The following GRM7 variants were observed in gnomAD, a reference collection of about 807,000 sequenced individuals.
GRM7 encodes glutamate metabotropic receptor 7.
GRM7 carries 35 observed loss-of-function variants against 84.5 expected under a neutral mutation model. That is an observed-to-expected ratio of 0.41 (90% CI 0.32 to 0.55). The LOEUF is 0.55. Ranked by LOEUF, GRM7 falls within the 20% of genes least tolerant of loss-of-function variation. The probability of loss-of-function intolerance (pLI) is 0.19; values close to 1 mark genes in which losing one functional copy is unlikely to be tolerated. For missense variants in GRM7, 1,003 were observed against 1,194.6 expected (o/e 0.84, Z 2.36); for synonymous variants, 487 against 455.1 (o/e 1.07, Z -0.89).
chr3:7,542,591 A>C (rs1035547527), intron 7 of GRM7, among the ~76,000 whole-genome samples: 24 of 145,632 alleles, frequency 1.6e-4, no homozygotes, highest in African/African-American at 5.4e-4. Flanking sequence ...CTCTGTCGCC[A>C]GACTGGAGTG....
rs1695018321 is a variant in GRM7 at position 7,391,978 on chromosome 3, GAT to G, written c.1034-23043_1034-23042del. Among the ~76,000 whole-genome samples the G allele has an allele frequency of 2.0e-5, 3 of 152,162 alleles. No homozygotes were observed. In the South Asian group the frequency reaches 6.2e-4, roughly 32 times the overall value. ...CAATGCACTGAGGGGGTTGGCAAGA[GAT>G]AACCCCCTCTCTACATCTATTCTTG... On this transcript the variant is annotated intron_variant, in intron 4 of 9. Coordinates refer to ENST00000357716, the MANE Select transcript of GRM7 (RefSeq NM_000844.4).
rs75721571 is a variant in GRM7, at chr3:7,740,680, G to A, written c.*274G>A. ...AAGGGAGTGTTGAAACTCAAGTCCC[G>A]CCCTGGCTCTTTAGAATGGACCACT... On this transcript the variant is annotated 3_prime_UTR_variant, in exon 10 of 10. Coordinates refer to ENST00000357716, the MANE Select transcript of GRM7 (RefSeq NM_000844.4). 5 of 334,306 alleles carry A rather than the reference G, an allele frequency of 1.5e-5. No individual in the cohort carries two copies. The highest frequency in any genetic ancestry group is 1.0e-4 in the South Asian group (1 of 10,038). The allele number at this position is 334,306 out of a possible 1,614,324, so 20.7% of individuals were successfully genotyped here. A position where few individuals can be genotyped will look rare whatever the true frequency, so the allele number is the denominator to read the frequency against.
intron 1 of GRM7, among the ~76,000 whole-genome samples, chr3:6,951,816 A>G (rs1332120929): frequency 6.6e-6 from 1 of 152,020 alleles, no homozygotes; most frequent in Non-Finnish European, 1.5e-5. Context: ...GTGTACCCTT[A>G]CTCACTTTTC....
At chr3:7,492,455 T>C (rs1224683954) in intron 7 of GRM7, among the ~76,000 whole-genome samples, 1 of 152,144 alleles carries the variant, frequency 6.6e-6, no homozygotes, top group African/African-American at 2.4e-5. Flanking sequence ...TTCAGGGAAT[T>C]GGTGTGTTTC....
intron 9 of GRM7, among the ~76,000 whole-genome samples, chr3:7,692,764 G>C (rs1199665206): frequency 6.6e-6 from 1 of 152,140 alleles, no homozygotes; most frequent in Non-Finnish European, 1.5e-5. Flanking sequence ...CTCATGACCA[G>C]AGGTCTTTCT....
At chr3:7,616,200 T>C (rs1697071985) in intron 8 of GRM7, among the ~76,000 whole-genome samples, 1 of 152,146 alleles carries the variant, frequency 6.6e-6, no homozygotes, top group African/African-American at 2.4e-5. Flanking sequence ...TAATAGACTT[T>C]ACTGCCGGCA....
intron 4 of GRM7, among the ~76,000 whole-genome samples, chr3:7,398,018 A>G (rs1695287228): frequency 6.6e-6 from 1 of 152,084 alleles, no homozygotes; most frequent in South Asian, 2.1e-4. Context: ...CCCACCAAAA[A>G]CTTATAATTT....
Position 7,680,141 on chromosome 3 carries a change from C to T in GRM7, c.2544C>T (p.Ile848=). ...TATACATGCCGAAAGTGTACATCATCATTTTCCACCCTGAACTCAATGTCC... is the reference window on the plus strand; with the variant it reads ...TATACATGCCGAAAGTGTACATCATTATTTTCCACCCTGAACTCAATGTCC... ...GMLYMPKVYI[I]IFHPELNVQK... is the part of the protein sequence containing the mutation. The change falls in exon 9 of 10, where the codon ATC becomes ATT. Residue 848 remains isoleucine (I), a synonymous_variant. Coordinates refer to ENST00000357716, the MANE Select transcript of GRM7 (RefSeq NM_000844.4). 2 of 1,614,136 alleles carry T rather than the reference C, an allele frequency of 1.2e-6. No homozygotes were observed.
chr3:7,202,408 G>T (rs1177097997), intron 2 of GRM7, among the ~76,000 whole-genome samples: 1 of 152,102 alleles, frequency 6.6e-6, no homozygotes, highest in African/African-American at 2.4e-5. Context: ...TCGGCTTACT[G>T]CAACCTCTGC....
intron 1 of GRM7, among the ~76,000 whole-genome samples, chr3:7,024,436 G>A (rs1030944095): frequency 1.6e-4 from 25 of 152,202 alleles, no homozygotes; most frequent in African/African-American, 6.0e-4. Flanking sequence ...ATGCCATAGA[G>A]GAAAGAAAAG....
intron 2 of GRM7, among the ~76,000 whole-genome samples, chr3:7,169,772 C>T (rs1028490886): frequency 4.6e-5 from 7 of 152,112 alleles, no homozygotes; most frequent in Non-Finnish European, 8.8e-5. Flanking sequence ...TAAATAGAGA[C>T]GTACTTTTGC....
chr3:7,096,201 C>A (rs1698853882), intron 1 of GRM7, among the ~76,000 whole-genome samples: 2 of 152,044 alleles, frequency 1.3e-5, no homozygotes, highest in Admixed American at 1.3e-4. Context: ...AATGTGACAC[C>A]AGCTGGGTGT....
At chr3:7,557,190 G>T (rs1203099300) in intron 7 of GRM7, among the ~76,000 whole-genome samples, 1 of 152,060 alleles carries the variant, frequency 6.6e-6, no homozygotes, top group Non-Finnish European at 1.5e-5. Flanking sequence ...GGAATCCACT[G>T]GGCTCAATCT....
intron 7 of GRM7, among the ~76,000 whole-genome samples, chr3:7,512,271 A>C (rs902172549): frequency 6.6e-6 from 1 of 152,212 alleles, no homozygotes; most frequent in African/African-American, 2.4e-5. Flanking sequence ...TGCTAAGCAG[A>C]ATGAGGAGAT....
intron 9 of GRM7, among the ~76,000 whole-genome samples, chr3:7,708,529 G>A (rs990352631): frequency 6.6e-6 from 1 of 152,120 alleles, no homozygotes; most frequent in Non-Finnish European, 1.5e-5. Flanking sequence ...GAAGGTCATG[G>A]TCTGTTGGAC....
chr3:7,416,515 G>C (rs1696166656), intron 5 of GRM7, among the ~76,000 whole-genome samples: 1 of 152,098 alleles, frequency 6.6e-6, no homozygotes, highest in Non-Finnish European at 1.5e-5. Context: ...TGTTAATCAG[G>C]TAATACATGG....
intron 5 of GRM7, among the ~76,000 whole-genome samples, chr3:7,431,180 GA>G (rs150215356): frequency 0.01 from 1,563 of 152,100 alleles, 27 homozygotes; most frequent in African/African-American, 0.034. Flanking sequence ...AAAAGAAAGT[GA>G]ATTATCAAAC....
intron 2 of GRM7, among the ~76,000 whole-genome samples, chr3:7,172,569 A>G (rs148820654): frequency 4.1e-3 from 390 of 95,308 alleles, no homozygotes; most frequent in Middle Eastern, 0.028. Flanking sequence ...ACATATATCT[A>G]TATATAAATA....
At chr3:7,403,357 T>C (rs557764705) in intron 4 of GRM7, among the ~76,000 whole-genome samples, 106 of 151,696 alleles carry the variant, frequency 7.0e-4, no homozygotes, top group African/African-American at 2.5e-3. Context: ...AAATGTATAA[T>C]TGTATGTATT....
Sources: gnomAD v4.1 joint callset for allele counts (sites outside exome capture counted in the v4.1 genomes callset) on GRCh38, gnomAD v4.1.1 for gene constraint, MANE v1.5 for transcripts, NCBI Gene and HGNC (gene_info 2026-07-23, HGNC 2026-07-21) for gene names.